PTPRD: variants seen among roughly 807,000 people sequenced by gnomAD.
PTPRD encodes protein tyrosine phosphatase receptor type D, also known as receptor-type tyrosine-protein phosphatase delta.
A neutral mutation model predicts 214.5 loss-of-function variants in PTPRD; 34 were observed. That is an observed-to-expected ratio of 0.16 (90% CI 0.12 to 0.21). The LOEUF (loss-of-function observed/expected upper bound fraction) is 0.21, where lower values mean the gene tolerates loss of function less well. PTPRD is among the 10% of genes least tolerant of loss of function. The probability of loss-of-function intolerance (pLI) is 1.00; values close to 1 mark genes in which losing one functional copy is unlikely to be tolerated. For missense variants in PTPRD, 2,545 were observed against 2,398.7 expected (o/e 1.06, Z -1.27); for synonymous variants, 1,128 against 845.7 (o/e 1.33, Z -5.79).
chr9:8,762,538 C>G (rs1045126070), intron 11 of PTPRD, among the ~76,000 whole-genome samples: 2 of 152,114 alleles, frequency 1.3e-5, no homozygotes, highest in Middle Eastern at 3.2e-3. Context: ...TAACACTTCT[C>G]TCTGGCACGG....
At chr9:9,513,796 A>G (rs1482895921) in intron 8 of PTPRD, among the ~76,000 whole-genome samples, 1 of 152,062 alleles carries the variant, frequency 6.6e-6, no homozygotes, top group Non-Finnish European at 1.5e-5. Flanking sequence ...AATGATAGTC[A>G]TTGAAAGGGC....
rs375566051 is a variant in PTPRD at position 8,518,169 on chromosome 9, C to G, written c.1222G>C (p.Val408Leu). 1 of 1,614,186 alleles carries G rather than the reference C, an allele frequency of 6.2e-7. No homozygotes were observed. The highest frequency in any genetic ancestry group is 8.5e-7 in the Non-Finnish European group (1 of 1,180,026). Residue 408 changes from valine to leucine, a missense_variant, in exon 21 of 46, where the codon GTG becomes CTG. Coordinates refer to ENST00000381196, the MANE Select transcript of PTPRD (RefSeq NM_002839.4). The stretch of plus-strand genomic sequence containing the variant: ...GCTTGCTCTGAGGTTTGTGTTAGCA[C>G]AGGTTCGCTGGGAGGCCCCCGCCCA... ...NIGRGPPSEP[V>L]LTQTSEQAPS...
intron 12 of PTPRD, among the ~76,000 whole-genome samples, chr9:8,669,633 G>A (rs2097239721): frequency 6.6e-6 from 1 of 152,198 alleles, no homozygotes; most frequent in Admixed American, 6.5e-5. Flanking sequence ...AAATCTGGAA[G>A]TTTCAAAGAG....
At chr9:9,588,109 C>T (rs1330524944) in intron 7 of PTPRD, among the ~76,000 whole-genome samples, 1 of 151,598 alleles carries the variant, frequency 6.6e-6, no homozygotes, top group Non-Finnish European at 1.5e-5. Flanking sequence ...CATCTGTACC[C>T]CTAAATATAT....
At chr9:8,419,162 A>C (rs962444212) in intron 35 of PTPRD, among the ~76,000 whole-genome samples, 1 of 151,456 alleles carries the variant, frequency 6.6e-6, no homozygotes, top group Non-Finnish European at 1.5e-5. Flanking sequence ...TCAATGTCGC[A>C]GTGAGCTGAG....
rs570471709 is a variant in PTPRD at position 8,629,225 on chromosome 9, G to A, written c.352+4092C>T. On this transcript the variant is annotated intron_variant, in intron 14 of 45. Transcript: ENST00000381196. ...GTCTTAGAGAAGGGAGGTTATGTAA[G>A]TAAGAATAATTATTGATGTCTTTCC... 3.9e-5 allele frequency among the ~76,000 whole-genome samples: 6 copies of A among 151,950 alleles called. No individual in the cohort carries two copies. The South Asian group carries it at 8.3e-4, about 21-fold the overall frequency.
intron 11 of PTPRD, among the ~76,000 whole-genome samples, chr9:8,797,443 C>A (rs1447629457): frequency 2.0e-5 from 3 of 152,202 alleles, no homozygotes; most frequent in African/African-American, 7.2e-5. Flanking sequence ...CACACAGAAT[C>A]TTGATGATAT....
intron 9 of PTPRD, among the ~76,000 whole-genome samples, chr9:9,290,531 T>C (rs1950826049): frequency 6.6e-6 from 1 of 151,570 alleles, no homozygotes; most frequent in Non-Finnish European, 1.5e-5. Flanking sequence ...CTAGGAGTTT[T>C]AGAGTTTTGG....
rs372961494 is a variant in PTPRD at position 9,630,155 on chromosome 9, G to C, written c.-286-55374C>G. ...AGCACAAGTTCAGCCAGAAGTACTGGCCAGGTCTTTTACAGGACTTACAAA... is the reference window on the plus strand; with the variant it reads ...AGCACAAGTTCAGCCAGAAGTACTGCCCAGGTCTTTTACAGGACTTACAAA... On this transcript the variant is annotated intron_variant, in intron 7 of 45. Coordinates refer to ENST00000381196, the MANE Select transcript of PTPRD (RefSeq NM_002839.4). Among the ~76,000 whole-genome samples the C allele has an allele frequency of 9.8e-5, 15 of 152,310 alleles. No homozygotes were observed. The East Asian group carries it at 2.7e-3, about 27-fold the overall frequency.
chr9:9,026,803 T>G (rs1361563754), intron 10 of PTPRD, among the ~76,000 whole-genome samples: 2 of 151,898 alleles, frequency 1.3e-5, no homozygotes, highest in Non-Finnish European at 2.9e-5. Context: ...AACACCTTTA[T>G]AGCTTTCTCA....
Position 9,969,639 on chromosome 9 carries a change from T to C in PTPRD, c.-471-31029A>G, listed in dbSNP as rs532206710. Among the ~76,000 whole-genome samples the C allele has an allele frequency of 1.3e-4, 20 of 152,338 alleles. 1 individual carries two copies. The East Asian group carries it at 3.7e-3, about 28-fold the overall frequency. ...AAAGAACAAGTTTACATTTTACTTT[T>C]GTGGCTCATTAAATCTGCTCCTTGG... On this transcript the variant is annotated intron_variant, in intron 4 of 45. Transcript: ENST00000381196.
chr9:9,601,493 T>G (rs2093767241), intron 7 of PTPRD, among the ~76,000 whole-genome samples: 2 of 152,028 alleles, frequency 1.3e-5, no homozygotes, highest in African/African-American at 4.8e-5. Context: ...ATAGATAGAG[T>G]CACTGCTGCA....
rs551141540 is a variant in PTPRD, at chr9:9,139,993, T to C, written c.-143+43311A>G. On this transcript the variant is annotated intron_variant, in intron 10 of 45. Transcript: ENST00000381196. The stretch of plus-strand genomic sequence containing the variant: ...GGTGGGAATATCTAGTATAATTGTA[T>C]ATATACCTCCCGCTGTTCTTGATGA... Among the ~76,000 whole-genome samples, 143 of 152,244 alleles carry C rather than the reference T, an allele frequency of 9.4e-4. 1 individual carries two copies. Among genetic ancestry groups the C allele is most frequent in the Middle Eastern group, 3.4e-3 (1 of 294 alleles).
At chr9:9,612,730 G>A (rs957133238) in intron 7 of PTPRD, among the ~76,000 whole-genome samples, 4 of 151,942 alleles carry the variant, frequency 2.6e-5, no homozygotes, top group Non-Finnish European at 4.4e-5. Flanking sequence ...GAAAAAAAAA[G>A]GAGATACATA....
At chr9:9,400,738 T>G (rs190545641) in intron 8 of PTPRD, among the ~76,000 whole-genome samples, 66 of 152,174 alleles carry the variant, frequency 4.3e-4, no homozygotes, top group Admixed American at 1.0e-3. Flanking sequence ...TTGACTCTAG[T>G]GATGCTGGTA....
At chr9:8,795,407 A>G (rs2096383054) in intron 11 of PTPRD, among the ~76,000 whole-genome samples, 1 of 152,098 alleles carries the variant, frequency 6.6e-6, no homozygotes, top group African/African-American at 2.4e-5. Context: ...ACCTCAGGCA[A>G]TTCGCCCACC....
chr9:8,784,639 C>T (rs1377906265), intron 11 of PTPRD, among the ~76,000 whole-genome samples: 1 of 127,022 alleles, frequency 7.9e-6, no homozygotes, highest in African/African-American at 2.5e-5. Context: ...TGAGAAAGAG[C>T]TCTTATCTCA....
chr9:8,472,331 A>C (rs927275469), intron 30 of PTPRD, among the ~76,000 whole-genome samples: 1 of 152,184 alleles, frequency 6.6e-6, no homozygotes, highest in East Asian at 1.9e-4. Context: ...ACCACACAGG[A>C]CAAAGAAACA....
chr9:9,776,845 A>C (rs1488805062), intron 5 of PTPRD, among the ~76,000 whole-genome samples: 4 of 152,208 alleles, frequency 2.6e-5, no homozygotes, highest in Admixed American at 6.5e-5. Flanking sequence ...AGCACACCAG[A>C]CAGCAAAGCC....
Sources: allele counts gnomAD v4.1 joint callset (sites outside exome capture counted in the v4.1 genomes callset), GRCh38; gene constraint gnomAD v4.1.1; transcripts MANE v1.5; gene names NCBI Gene and HGNC (gene_info 2026-07-23, HGNC 2026-07-21).